TRARG1: variants seen among roughly 807,000 people sequenced by gnomAD.
TRARG1 encodes the protein trafficking regulator of GLUT4 1.
TRARG1 carries 16 observed loss-of-function variants against 13.3 expected under a neutral mutation model. The ratio of observed to expected loss-of-function variants is 1.20; its 90% CI spans 0.81 to 1.83. The LOEUF is 1.83. Among genes scored for constraint, TRARG1 ranks in the 40% most tolerant of loss-of-function variants. The pLI is 0.00. For synonymous variants in TRARG1, 113 were observed against 106.2 expected (o/e 1.06, Z -0.39); for missense variants, 250 against 237.4 (o/e 1.05, Z -0.35).
intron 1 of TRARG1, among the ~76,000 whole-genome samples, chr17:1,286,604 ATTGGCCTGTGGGGTGTTGTTT>A (rs2072026050): frequency 7.3e-5 from 5 of 68,428 alleles, no homozygotes; most frequent in African/African-American, 1.9e-4. Context: ...GTGGGGTGTT[ATTGGCCTGTGGGGTGTTGTTT>A]TCGGCCTGTG....
chr17:1,283,059 C>T (rs1455774508), intron 1 of TRARG1, among the ~76,000 whole-genome samples: 5 of 152,154 alleles, frequency 3.3e-5, no homozygotes, highest in Admixed American at 6.6e-5. Context: ...GCTAACCAGA[C>T]ACTGTTGCCA....
intron 2 of TRARG1, among the ~76,000 whole-genome samples, chr17:1,296,450 C>T (rs1441036581): frequency 7.9e-5 from 12 of 151,116 alleles, no homozygotes; most frequent in Admixed American, 6.6e-4. Context: ...CCACCTTGGC[C>T]GCCTAAAATG....
chr17:1,288,485 C>A (rs1172465770), intron 1 of TRARG1, among the ~76,000 whole-genome samples: 5 of 112,480 alleles, frequency 4.4e-5, no homozygotes, highest in African/African-American at 7.5e-5. Context: ...TTCCCCATCC[C>A]CCATGGGTTT....
chr17:1,295,457 C>A (rs746801151), intron 1 of TRARG1, 34 bp from the exon 2 acceptor site: 3 of 1,558,454 alleles, frequency 1.9e-6, no homozygotes, highest in Middle Eastern at 3.4e-4. Context: ...ACAGCCTTCC[C>A]GGTTCCCGGG....
rs11078622 is a variant in TRARG1, at chr17:1,300,897, G to C, written c.*2633G>C. On this transcript the variant is annotated 3_prime_UTR_variant, in exon 3 of 3. Transcript: ENST00000333813. Reference sequence around the variant, plus strand: ...CCCTGTGTCCCACAGGGAGTAGCAAGACCCACCCCACACTGCCTTCACCAT... The same window carrying C: ...CCCTGTGTCCCACAGGGAGTAGCAACACCCACCCCACACTGCCTTCACCAT... The C allele has an allele frequency of 0.12, 18,232 of 152,110 alleles. 3,123 individuals carry two copies. The highest frequency in any genetic ancestry group is 0.38 in the African/African-American group (15,880 of 41,444). The allele number at this position is 152,110 out of a possible 1,614,324, so 9.4% of individuals were successfully genotyped here.
intron 1 of TRARG1, among the ~76,000 whole-genome samples, chr17:1,286,307 C>T (rs991034266): frequency 6.6e-6 from 1 of 152,196 alleles, no homozygotes; most frequent in Non-Finnish European, 1.5e-5. Flanking sequence ...CCCAAGGCCT[C>T]TGCTGAGGCT....
intron 1 of TRARG1, among the ~76,000 whole-genome samples, chr17:1,280,922 G>T (rs572236559): frequency 1.3e-5 from 2 of 152,342 alleles, no homozygotes; most frequent in African/African-American, 4.8e-5. Context: ...CCCCCGAGGG[G>T]CGCACAAAGC....
At position 1,282,746 on chromosome 17, in the gene TRARG1, A is replaced by G. The variant is rs530030606; in HGVS notation, c.387+2358A>G. Among the ~76,000 whole-genome samples the G allele has an allele frequency of 3.3e-5, 5 of 151,928 alleles. No homozygotes were observed. The South Asian group carries it at 1.0e-3, about 32-fold the overall frequency. ...GCTCTGTCGCCCAGGCTGGAGTGCA[A>G]TGGTGCGATCTTGGCTCACTGCAAA... On this transcript the variant is annotated intron_variant, in intron 1 of 2. Coordinates refer to ENST00000333813, the MANE Select transcript of TRARG1 (RefSeq NM_172367.3).
chr17:1,285,469 G>C (rs1196064111), intron 1 of TRARG1, among the ~76,000 whole-genome samples: 1 of 150,280 alleles, frequency 6.7e-6, no homozygotes, highest in African/African-American at 2.5e-5. Flanking sequence ...CACTTTGAGA[G>C]GCCAAGGCGG....
intron 1 of TRARG1, among the ~76,000 whole-genome samples, chr17:1,288,175 C>G (rs540759368): frequency 6.6e-6 from 1 of 152,058 alleles, no homozygotes; most frequent in African/African-American, 2.4e-5. Flanking sequence ...ATCACCTATT[C>G]GCTTCCACTG....
chr17:1,282,062 G>A (rs62090193), intron 1 of TRARG1, among the ~76,000 whole-genome samples: 26 of 145,464 alleles, frequency 1.8e-4, no homozygotes, highest in South Asian at 1.3e-3. Flanking sequence ...ATATGTACAT[G>A]TATACACATA....
intron 2 of TRARG1, 115 bp from the exon 3 acceptor site, chr17:1,298,136 C>T (rs941168437): frequency 1.5e-6 from 2 of 1,304,578 alleles, no homozygotes; most frequent in African/African-American, 1.5e-5. Context: ...GCCTTCTCCC[C>T]TTATCCCTAT....
Position 1,299,649 on chromosome 17 carries a change from A to G in TRARG1, c.*1385A>G, listed in dbSNP as rs184149614. 0.015 allele frequency: 2,246 copies of G among 148,794 alleles called. 31 individuals carry two copies. The highest frequency in any genetic ancestry group is 0.026 in the South Asian group (123 of 4,644). 9.2% of individuals were successfully genotyped at this position (148,794 alleles called of 1,614,324 possible). A position where few individuals can be genotyped will look rare whatever the true frequency, so the allele number is the denominator to read the frequency against. On this transcript the variant is annotated 3_prime_UTR_variant, in exon 3 of 3. Coordinates refer to ENST00000333813, the MANE Select transcript of TRARG1 (RefSeq NM_172367.3). ...ACAGGCACCTCTCCTGCCCCCGCCC[A>G]CCCTCCTGACCGCAGCTCCCAGGCC...
At chr17:1,294,962 G>A (rs2072100104) in intron 1 of TRARG1, among the ~76,000 whole-genome samples, 1 of 152,232 alleles carries the variant, frequency 6.6e-6, no homozygotes, top group Admixed American at 6.5e-5. Context: ...GGGATTACAG[G>A]CATGAGCCGC....
intron 1 of TRARG1, among the ~76,000 whole-genome samples, chr17:1,286,545 G>A (rs1356477427): frequency 2.2e-3 from 251 of 111,726 alleles, no homozygotes; most frequent in African/African-American, 9.8e-3. Flanking sequence ...TGGCCTGTGG[G>A]TGTTGTCAGC....
chr17:1,281,979 C>T (rs377705266), intron 1 of TRARG1, among the ~76,000 whole-genome samples: 9 of 148,496 alleles, frequency 6.1e-5, no homozygotes, highest in African/African-American at 2.0e-4. Context: ...CACACGTGTA[C>T]ATATATGTAC....
At chr17:1,294,709 A>ATTTTT in intron 1 of TRARG1, among the ~76,000 whole-genome samples, 1 of 130,702 alleles carries the variant, frequency 7.7e-6, no homozygotes. Flanking sequence ...TTTTTTTGAG[A>ATTTTT]CGGAGTCTTG....
intron 1 of TRARG1, among the ~76,000 whole-genome samples, chr17:1,282,941 C>T (rs1598188339): frequency 6.6e-6 from 1 of 152,142 alleles, no homozygotes; most frequent in East Asian, 1.9e-4. Flanking sequence ...CCTCCCACCT[C>T]GGCCGCCCAA....
Position 1,295,535 on chromosome 17 carries a change from G to T in TRARG1, c.432G>T (p.Arg144Ser). ...AGGGCAACGTGGACGGCGCCCGGAG[G>T]CTGGGCCGCCTGGCTCGGCTGCTCA... ...MQQGNVDGAR[R>S]LGRLARLLSI... The change falls in exon 2 of 3, where the codon AGG (arginine) becomes AGT (serine). Residue 144 changes from arginine (R) to serine (S), a missense_variant. By Grantham distance (110) the Arg-to-Ser change is moderately radical. Coordinates refer to ENST00000333813, the MANE Select transcript of TRARG1 (RefSeq NM_172367.3). The T allele has an allele frequency of 6.2e-7, 1 of 1,612,946 alleles. No individual in the cohort carries two copies. Among genetic ancestry groups the T allele is most frequent in the Non-Finnish European group, 8.5e-7 (1 of 1,179,678 alleles).
Sources: gnomAD v4.1 joint callset for allele counts (sites outside exome capture counted in the v4.1 genomes callset) on GRCh38, gnomAD v4.1.1 for gene constraint, MANE v1.5 for transcripts, NCBI Gene and HGNC (gene_info 2026-07-23, HGNC 2026-07-21) for gene names.